Variants in EFNA5 observed in about 807,000 individuals in gnomAD.
The protein encoded by EFNA5 is ephrin-A5.
Under a neutral mutation model 22.9 loss-of-function variants are expected in EFNA5, and 5 were observed. The ratio of observed to expected loss-of-function variants is 0.22; its 90% CI spans 0.11 to 0.46. The LOEUF (loss-of-function observed/expected upper bound fraction) is 0.46, where lower values mean the gene tolerates loss of function less well. Among genes scored for constraint, EFNA5 ranks in the 20% least tolerant of loss-of-function variants. The pLI, the probability that EFNA5 is intolerant of heterozygous loss-of-function variation, is 0.99. For synonymous variants in EFNA5, 113 were observed against 112.2 expected (o/e 1.01, Z -0.04); for missense variants, 237 against 293.3 (o/e 0.81, Z 1.40).
chr5:107,614,965 T>A (rs1001264098), intron 1 of EFNA5, among the ~76,000 whole-genome samples: 2 of 152,188 alleles, frequency 1.3e-5, no homozygotes, highest in Admixed American at 1.3e-4. Context: ...TTACTTTATC[T>A]TGTTCTATTT....
At chr5:107,614,952 A>T (rs1749883768) in intron 1 of EFNA5, among the ~76,000 whole-genome samples, 1 of 152,094 alleles carries the variant, frequency 6.6e-6, no homozygotes, top group Non-Finnish European at 1.5e-5. Flanking sequence ...CAGACATGGG[A>T]TTTTACTTTA....
intron 1 of EFNA5, among the ~76,000 whole-genome samples, chr5:107,503,087 T>C (rs1253040817): frequency 6.6e-6 from 1 of 152,198 alleles, no homozygotes; most frequent in East Asian, 1.9e-4. Flanking sequence ...CATCACAGCA[T>C]GTTGGGAAAG....
Position 107,660,306 on chromosome 5 carries a change from A to ATATATC in EFNA5, c.125+10182_125+10183insGATATA, listed in dbSNP as rs1750925538. On this transcript the variant is annotated intron_variant, in intron 1 of 4. Transcript: ENST00000333274. Reference sequence around the variant, plus strand: ...TATATATATATATATATATATATATATATATATATTTGGCAAGTGGGGGAG... The same window carrying ATATATC: ...TATATATATATATATATATATATATATATATCTATATATATTTGGCAAGTGGGGGAG... Among the ~76,000 whole-genome samples the ATATATC allele has an allele frequency of 3.1e-5, 3 of 96,822 alleles. No individual in the cohort carries two copies. The Admixed American group carries it at 3.1e-4, about 10-fold the overall frequency. 63.5% of individuals were successfully genotyped at this position (96,822 alleles called of 152,430 possible).
intron 1 of EFNA5, among the ~76,000 whole-genome samples, chr5:107,528,078 C>T (rs936430089): frequency 2.0e-5 from 3 of 152,206 alleles, no homozygotes; most frequent in Non-Finnish European, 4.4e-5. Flanking sequence ...TGCATCTCTA[C>T]ATTGGCACGG....
intron 1 of EFNA5, among the ~76,000 whole-genome samples, chr5:107,604,339 C>T (rs2112514923): frequency 6.8e-6 from 1 of 147,324 alleles, no homozygotes; most frequent in Non-Finnish European, 1.5e-5. Flanking sequence ...TTGCACCTGG[C>T]TCTGATTTTT....
In EFNA5 at chr5:107,427,281, G is replaced by A. The variant is rs868787124; in HGVS notation, c.354C>T (p.Phe118=). The A allele has an allele frequency of 6.2e-7, 1 of 1,614,002 alleles. No individual in the cohort carries two copies. Among genetic ancestry groups the A allele is most frequent in the Non-Finnish European group, 8.5e-7 (1 of 1,180,016 alleles). ...CTAGAGAAAAGGGAGTGAAGAGCTGGAATTTTTCAGAGAACTTCAGCGGTC... is the reference window on the plus strand; with the variant it reads ...CTAGAGAAAAGGGAGTGAAGAGCTGAAATTTTTCAGAGAACTTCAGCGGTC... ...PNGPLKFSEK[F]QLFTPFSLGF... The change falls in exon 2 of 5, where the codon TTC becomes TTT. Residue 118 remains phenylalanine, a synonymous_variant. Coordinates refer to ENST00000333274, the MANE Select transcript of EFNA5 (RefSeq NM_001962.3).
chr5:107,587,843 G>A (rs570490063), intron 1 of EFNA5, among the ~76,000 whole-genome samples: 1 of 152,146 alleles, frequency 6.6e-6, no homozygotes, highest in African/African-American at 2.4e-5. Flanking sequence ...AATATACGAT[G>A]ACTGTTCCTG....
intron 1 of EFNA5, among the ~76,000 whole-genome samples, chr5:107,576,910 C>A (rs952589415): frequency 6.6e-6 from 1 of 152,098 alleles, no homozygotes; most frequent in Non-Finnish European, 1.5e-5. Flanking sequence ...ACATATAAAC[C>A]CCTCCACCCC....
intron 1 of EFNA5, among the ~76,000 whole-genome samples, chr5:107,646,319 C>T (rs1335598587): frequency 6.6e-6 from 1 of 152,058 alleles, no homozygotes; most frequent in Non-Finnish European, 1.5e-5. Context: ...ATACATATAT[C>T]ATGGTGTACA....
At chr5:107,657,630 T>A (rs1404491144) in intron 1 of EFNA5, among the ~76,000 whole-genome samples, 1 of 152,152 alleles carries the variant, frequency 6.6e-6, no homozygotes, top group African/African-American at 2.4e-5. Context: ...TTGGTAAAAA[T>A]TTCTTTTTAA....
At chr5:107,565,624 A>G (rs193252185) in intron 1 of EFNA5, among the ~76,000 whole-genome samples, 3 of 152,342 alleles carry the variant, frequency 2.0e-5, no homozygotes, top group South Asian at 4.1e-4. Flanking sequence ...ATGTCCATCT[A>G]GAAATATGTA....
At chr5:107,384,507 T>A (rs1233078897) in intron 4 of EFNA5, among the ~76,000 whole-genome samples, 1 of 152,180 alleles carries the variant, frequency 6.6e-6, no homozygotes, top group African/African-American at 2.4e-5. Context: ...CCTTTCAGAC[T>A]TGCTGGGTTC....
At chr5:107,474,754 A>G (rs1482380584) in intron 1 of EFNA5, among the ~76,000 whole-genome samples, 2 of 152,318 alleles carry the variant, frequency 1.3e-5, no homozygotes, top group Non-Finnish European at 2.9e-5. Context: ...TTTTAGCAAG[A>G]GGCCACCATG....
chr5:107,605,780 C>T (rs1395744859), intron 1 of EFNA5, among the ~76,000 whole-genome samples: 1 of 152,130 alleles, frequency 6.6e-6, no homozygotes, highest in Non-Finnish European at 1.5e-5. Flanking sequence ...CCCTGCCTGC[C>T]CCAACCTCTC....
chr5:107,529,607 C>G (rs1747768033), intron 1 of EFNA5, among the ~76,000 whole-genome samples: 1 of 152,222 alleles, frequency 6.6e-6, no homozygotes, highest in Non-Finnish European at 1.5e-5. Flanking sequence ...CAGAGTGGTT[C>G]TGAAATGCAA....
At chr5:107,497,827 G>A (rs969011584) in intron 1 of EFNA5, among the ~76,000 whole-genome samples, 11 of 152,212 alleles carry the variant, frequency 7.2e-5, no homozygotes, top group African/African-American at 2.4e-4. Context: ...TTTTTTATTT[G>A]CTATTTAAAG....
chr5:107,652,676 C>T (rs1035162894), intron 1 of EFNA5, among the ~76,000 whole-genome samples: 4 of 152,152 alleles, frequency 2.6e-5, no homozygotes, highest in Non-Finnish European at 5.9e-5. Flanking sequence ...TATTTATTAA[C>T]AATTACTTTG....
At chr5:107,483,606 T>C (rs1750543516) in intron 1 of EFNA5, among the ~76,000 whole-genome samples, 1 of 152,188 alleles carries the variant, frequency 6.6e-6, no homozygotes. Context: ...AATAGATACA[T>C]ATGTGTACAA....
chr5:107,543,722 C>A (rs76409221), intron 1 of EFNA5, among the ~76,000 whole-genome samples: 1 of 152,006 alleles, frequency 6.6e-6, no homozygotes. Context: ...AAAAAAAACC[C>A]TTTTTTCATA....
Sources: gnomAD v4.1 joint callset for allele counts (sites outside exome capture counted in the v4.1 genomes callset) on GRCh38, gnomAD v4.1.1 for gene constraint, MANE v1.5 for transcripts, NCBI Gene and HGNC (gene_info 2026-07-23, HGNC 2026-07-21) for gene names.